The following PRR14L variants were observed in gnomAD, a reference collection of about 807,000 sequenced individuals.
PRR14L encodes protein PRR14L.
A neutral mutation model predicts 155.0 loss-of-function variants in PRR14L; 80 were observed. The observed-to-expected ratio is 0.52, with a 90% CI of 0.43 to 0.62. PRR14L has a LOEUF of 0.62. Among genes scored for constraint, PRR14L ranks in the 20% least tolerant of loss-of-function variants. The pLI is 0.00. For missense variants in PRR14L, 2,469 were observed against 2,548.0 expected (o/e 0.97, Z 0.67); for synonymous variants, 883 against 916.0 (o/e 0.96, Z 0.65).
chr22:31,719,624 G>C (rs2074679520), intron 3 of PRR14L, among the ~76,000 whole-genome samples: 1 of 152,076 alleles, frequency 6.6e-6, no homozygotes, highest in African/African-American at 2.4e-5. Flanking sequence ...TTAATACCAA[G>C]TTTCTAGGGC....
intron 8 of PRR14L, among the ~76,000 whole-genome samples, chr22:31,687,043 T>A (rs1601489376): frequency 1.3e-5 from 2 of 152,116 alleles, no homozygotes; most frequent in Admixed American, 6.5e-5. Flanking sequence ...TTCTTTTTTC[T>A]TTTTCATTTT....
chr22:31,742,367 CTTTT>C (rs66721130), intron 1 of PRR14L, among the ~76,000 whole-genome samples: 8 of 143,102 alleles, frequency 5.6e-5, no homozygotes, highest in Non-Finnish European at 1.2e-4. Context: ...AAAACTCTTC[CTTTT>C]TTTTTTTTTT....
chr22:31,711,736 A>G (rs1449861463), intron 4 of PRR14L, among the ~76,000 whole-genome samples: 1 of 141,532 alleles, frequency 7.1e-6, no homozygotes, highest in Non-Finnish European at 1.5e-5. Flanking sequence ...GTAAGCCGAC[A>G]TTGCACCACT....
chr22:31,703,679 C>G lies in PRR14L; in HGVS notation c.5871G>C (p.Leu1957Phe). ...GCTTGCTGACAGCTGATTCTGCTAC[C>G]AAGCAAGACTTTGGTACCAAGGCAG... ...PFPALVPKSCLVAESAVSKLL... is the reference protein window; with the variant it reads ...PFPALVPKSCFVAESAVSKLL... Residue 1957 changes from leucine to phenylalanine, a missense_variant, in exon 6 of 9, where the codon TTG becomes TTC. Coordinates refer to ENST00000327423, the MANE Select transcript of PRR14L (RefSeq NM_173566.3). 2 of 1,608,928 alleles carry G rather than the reference C, an allele frequency of 1.2e-6. No homozygotes were observed. Among genetic ancestry groups the G allele is most frequent in the Non-Finnish European group, 1.7e-6 (2 of 1,177,200 alleles).
intron 3 of PRR14L, among the ~76,000 whole-genome samples, chr22:31,722,022 A>G (rs1255783453): frequency 6.6e-6 from 1 of 152,236 alleles, no homozygotes; most frequent in African/African-American, 2.4e-5. Flanking sequence ...CCTCCCACTC[A>G]GAATAACCAA....
At chr22:31,698,690 G>A (rs1478688109) in intron 7 of PRR14L, among the ~76,000 whole-genome samples, 1 of 152,064 alleles carries the variant, frequency 6.6e-6, no homozygotes, top group East Asian at 1.9e-4. Context: ...GGAGGCCGAG[G>A]TGGGCGGATC....
At chr22:31,739,626 T>C (rs1440448612) in intron 1 of PRR14L, among the ~76,000 whole-genome samples, 3 of 152,226 alleles carry the variant, frequency 2.0e-5, no homozygotes, top group Admixed American at 6.6e-5. Flanking sequence ...ATCAGCTTCT[T>C]GTTTTAGATC....
Position 31,712,787 on chromosome 22 carries a change from G to C in PRR14L, c.5052C>G (p.Asn1684Lys). The change falls in exon 4 of 9, where the codon AAC becomes AAG. Residue 1684 changes from asparagine to lysine, a missense_variant. Around this residue, in one of 2 missense-constraint regions of PRR14L, gnomAD observed 2,363 missense variants for 2,371.6 expected, o/e 1.00. Transcript: ENST00000327423. ...GAGAATAAAGTGCCATGGGCTTACT[G>C]TTAGGCCTCTTATCCCATCCACTAG... is the stretch of plus-strand genomic sequence containing the variant. ...LAASGWDKRP[N>K]SKPMALYSLE... 6.4e-7 allele frequency: 1 copy of C among 1,552,010 alleles called. No homozygotes were observed. Among genetic ancestry groups the C allele is most frequent in the Non-Finnish European group, 8.7e-7 (1 of 1,147,070 alleles).
At chr22:31,688,302 G>A in intron 7 of PRR14L, 75 bp from the exon 8 acceptor site, 4 of 1,434,516 alleles carry the variant, frequency 2.8e-6, no homozygotes, top group Non-Finnish European at 3.7e-6. Context: ...TTGCTCTGTT[G>A]CCCAGGCTGA....
chr22:31,694,763 A>G (rs1338725535), intron 7 of PRR14L, among the ~76,000 whole-genome samples: 1 of 150,876 alleles, frequency 6.6e-6, no homozygotes, highest in Non-Finnish European at 1.5e-5. Flanking sequence ...ACAAAAACAA[A>G]AACAAAAACA....
chr22:31,690,429 C>G (rs535737930), intron 7 of PRR14L, among the ~76,000 whole-genome samples: 8 of 152,248 alleles, frequency 5.3e-5, no homozygotes, highest in Admixed American at 1.3e-4. Context: ...AGGTGATCCA[C>G]CCATCTCGGC....
At chr22:31,710,554 G>A (rs1329292564) in intron 4 of PRR14L, among the ~76,000 whole-genome samples, 1 of 151,384 alleles carries the variant, frequency 6.6e-6, no homozygotes, top group East Asian at 1.9e-4. Context: ...CCGGGTTCAT[G>A]CCATTCTCCT....
chr22:31,715,752 C>A lies in PRR14L; in HGVS notation c.2087G>T (p.Gly696Val), dbSNP rs1350989744. Residue 696 changes from glycine (G) to valine (V), a missense_variant, in exon 4 of 9, where the codon GGT (glycine) becomes GTT (valine). Physicochemically the swap from Gly to Val is moderately radical, Grantham distance 109 (BLOSUM62 -3). This residue lies in a region of PRR14L where 2,363 missense variants were observed against 2,371.6 expected (regional missense o/e 1.00). Coordinates refer to ENST00000327423, the MANE Select transcript of PRR14L (RefSeq NM_173566.3). ...TATATCAGCAATGACATCTGCTCTA[C>A]CCTCTAATGGAGGGTGATGGCTCTG... ...AHQSHHPPLEGRADVIADIQT... is the reference protein window; with the variant it reads ...AHQSHHPPLEVRADVIADIQT... 1 of 1,552,028 alleles carries A rather than the reference C, an allele frequency of 6.4e-7. No individual in the cohort carries two copies. Among genetic ancestry groups the A allele is most frequent in the Admixed American group, 2.0e-5 (1 of 50,992 alleles).
chr22:31,712,965 T>A lies in PRR14L; in HGVS notation c.4874A>T (p.Lys1625Ile), dbSNP rs199620955. ...CTGAGTCTTCATGGCTGGGGCCAGTTTGGAGGCAAGGATGGACAGCTTGTT... is the reference window on the plus strand; with the variant it reads ...CTGAGTCTTCATGGCTGGGGCCAGTATGGAGGCAAGGATGGACAGCTTGTT... ...LLNKLSILAS[K>I]LAPAMKTQKL... The change falls in exon 4 of 9, where the codon AAA becomes ATA. Residue 1625 changes from lysine (K) to isoleucine (I), a missense_variant. Around this residue, in one of 2 missense-constraint regions of PRR14L, gnomAD observed 2,363 missense variants for 2,371.6 expected, o/e 1.00. Transcript: ENST00000327423. 9.8e-4 allele frequency: 1,520 copies of A among 1,551,730 alleles called. 4 individuals are homozygous for A. The highest frequency in any genetic ancestry group is 1.3e-3 in the Non-Finnish European group (1,438 of 1,147,000).
At chr22:31,726,494 T>G (rs1013213319) in intron 2 of PRR14L, among the ~76,000 whole-genome samples, 1 of 152,108 alleles carries the variant, frequency 6.6e-6, no homozygotes, top group African/African-American at 2.4e-5. Context: ...CTCAAACTCC[T>G]GACCTCAAGT....
At chr22:31,740,975 G>A (rs138638237) in intron 1 of PRR14L, among the ~76,000 whole-genome samples, 1,629 of 150,942 alleles carry the variant, frequency 0.011, 28 homozygotes, top group African/African-American at 0.036. Context: ...AATCCAAGGC[G>A]GGGCATGGTG....
At chr22:31,739,999 GA>G (rs368006560) in intron 1 of PRR14L, among the ~76,000 whole-genome samples, 223 of 148,978 alleles carry the variant, frequency 1.5e-3, no homozygotes, top group Non-Finnish European at 2.6e-3. Flanking sequence ...CTAAGTAGGG[GA>G]AAAAAAAAAT....
chr22:31,693,430 A>G (rs994908487), intron 7 of PRR14L, among the ~76,000 whole-genome samples: 2 of 152,224 alleles, frequency 1.3e-5, no homozygotes, highest in African/African-American at 4.8e-5. Flanking sequence ...CCTTTTTAGT[A>G]CTGAGTAATA....
rs559517126 is a variant in PRR14L, at chr22:31,716,346, G to A, written c.1493C>T (p.Thr498Ile). 6.4e-7 allele frequency: 1 copy of A among 1,551,116 alleles called. No homozygotes were observed. Among genetic ancestry groups the A allele is most frequent in the Admixed American group, 2.0e-5 (1 of 50,870 alleles). Residue 498 changes from threonine (T) to isoleucine (I), a missense_variant, in exon 4 of 9, where the codon ACT (threonine) becomes ATT (isoleucine). Physicochemically the swap from Thr to Ile is moderately conservative, Grantham distance 89. Coordinates refer to ENST00000327423, the MANE Select transcript of PRR14L (RefSeq NM_173566.3). Reference protein sequence around the residue: ...TNPEDHKETFTNMSHPGGHSE... With the variant: ...TNPEDHKETFINMSHPGGHSE... ...GTGTCCACCAGGATGGCTCATATTA[G>A]TAAAAGTTTCTTTATGGTCCTCAGG...
Sources: gnomAD v4.1 joint callset for allele counts (sites outside exome capture counted in the v4.1 genomes callset) on GRCh38, gnomAD v4.1.1 for gene constraint, gnomAD v4.1.1 regional missense constraint, MANE v1.5 for transcripts, NCBI Gene and HGNC (gene_info 2026-07-23, HGNC 2026-07-21) for gene names.